Variants in ADGRF3 observed in about 807,000 individuals in gnomAD.
The protein encoded by ADGRF3 is G protein-coupled receptor 113.
In ADGRF3, 85 loss-of-function variants were observed where a neutral mutation model predicts 93.2. The ratio of observed to expected loss-of-function variants is 0.91; its 90% CI spans 0.77 to 1.09. The LOEUF is 1.09. Among genes scored for constraint, ADGRF3 ranks in the 50% least tolerant of loss-of-function variants. The probability of loss-of-function intolerance (pLI) is 0.00; values close to 1 mark genes in which losing one functional copy is unlikely to be tolerated. For missense variants in ADGRF3, 1,125 were observed against 1,246.2 expected, an observed-to-expected ratio of 0.90 and a Z score of 1.46; for synonymous variants, 534 against 532.5, an observed-to-expected ratio of 1.00 and a Z score of -0.04.
In ADGRF3 at chr2:26,315,562, C is replaced by A; in HGVS notation, c.678G>T (p.Gln226His). 1.9e-6 allele frequency: 3 copies of A among 1,551,534 alleles called. No individual in the cohort carries two copies. Among genetic ancestry groups the A allele is most frequent in the Non-Finnish European group, 2.6e-6 (3 of 1,146,988 alleles). Residue 226 changes from glutamine to histidine, a missense_variant, in exon 5 of 14, where the codon CAG (glutamine) becomes CAT (histidine). Gln to His is a conservative substitution (Grantham distance 24). Coordinates refer to ENST00000651242, the MANE Select transcript of ADGRF3 (RefSeq NM_001321971.2). ...TQVSVTSSHG[Q>H]AALSVSNMSH... Reference sequence around the variant, plus strand: ...ACATGTTGGAGACGCTGAGGGCAGCCTGGCCGTGGCTGGAAGTCACAGACA... The same window carrying A: ...ACATGTTGGAGACGCTGAGGGCAGCATGGCCGTGGCTGGAAGTCACAGACA...
intron 1 of ADGRF3, chr2:26,319,210 C>T: frequency 5.5e-6 from 4 of 723,864 alleles, no homozygotes; most frequent in Non-Finnish European, 8.7e-6. Flanking sequence ...AATGGGAATC[C>T]AGGTCACTGT....
At chr2:26,321,860 G>C (rs980384500) in intron 1 of ADGRF3, among the ~76,000 whole-genome samples, 2 of 151,526 alleles carry the variant, frequency 1.3e-5, no homozygotes, top group Non-Finnish European at 2.9e-5. Context: ...TGTAATCCCA[G>C]CTCCTCAAAA....
intron 1 of ADGRF3, among the ~76,000 whole-genome samples, chr2:26,344,886 T>G (rs1676614118): frequency 6.6e-6 from 1 of 152,172 alleles, no homozygotes; most frequent in Non-Finnish European, 1.5e-5. Flanking sequence ...TCTATTACTT[T>G]CTAAGAATCA....
chr2:26,312,065 T>A lies in ADGRF3; in HGVS notation c.1459A>T (p.Ile487Phe), dbSNP rs2147867869. The change falls in exon 10 of 14, where the codon ATT becomes TTT. Residue 487 changes from isoleucine (I) to phenylalanine (F), a missense_variant. By Grantham distance (21) the Ile-to-Phe change is conservative. Coordinates refer to ENST00000651242, the MANE Select transcript of ADGRF3 (RefSeq NM_001321971.2). ...LDRRALKNLL[I>F]ATDKVLDMDT... ...ATATCTAGGACCTTGTCTGTGGCAA[T>A]CAGGAGATTCTGCAGCACCCAAAAG... is the stretch of plus-strand genomic sequence containing the variant. The A allele has an allele frequency of 4.4e-6, 7 of 1,606,074 alleles. No homozygotes were observed. The highest frequency in any genetic ancestry group is 1.3e-5 in the African/African-American group (1 of 74,798).
rs780891382 is a variant in ADGRF3 at position 26,310,680 on chromosome 2, C to A, written c.2832+12G>T. ...AAAAAGCAAAAAACACAGCCACCCC[C>A]CTATCACCTACCTGGAGGGTGTTGA... On this transcript the variant is annotated intron_variant, in intron 10 of 13. Coordinates refer to ENST00000651242, the MANE Select transcript of ADGRF3 (RefSeq NM_001321971.2). 1.2e-6 allele frequency: 2 copies of A among 1,604,574 alleles called. No individual in the cohort carries two copies. Among genetic ancestry groups the A allele is most frequent in the South Asian group, 1.1e-5 (1 of 89,172 alleles).
At chr2:26,315,378 G>A in intron 5 of ADGRF3, 144 bp downstream of exon 5, 1 of 924,766 alleles carries the variant, frequency 1.1e-6, no homozygotes, top group South Asian at 1.8e-5. Context: ...GATGAAAAGG[G>A]TGAGAAAGAG....
chr2:26,332,780 ATTT>A (rs149262380), intron 1 of ADGRF3, among the ~76,000 whole-genome samples: 1 of 151,058 alleles, frequency 6.6e-6, no homozygotes, highest in Non-Finnish European at 1.5e-5. Context: ...CTTTATGTTA[ATTT>A]TTTTTTCTAT....
At chr2:26,342,704 T>C (rs535682403) in intron 1 of ADGRF3, among the ~76,000 whole-genome samples, 2 of 152,266 alleles carry the variant, frequency 1.3e-5, no homozygotes, top group African/African-American at 4.8e-5. Context: ...AAAGCAATAA[T>C]AAACTACACT....
Position 26,308,232 on chromosome 2 carries a change from AT to A in ADGRF3, c.*853del, listed in dbSNP as rs1187252074. 2 of 152,174 alleles carry A rather than the reference AT, an allele frequency of 1.3e-5. No individual in the cohort carries two copies. The highest frequency in any genetic ancestry group is 6.5e-5 in the Admixed American group (1 of 15,274). 9.4% of individuals were successfully genotyped at this position (152,174 alleles called of 1,614,324 possible). On this transcript the variant is annotated 3_prime_UTR_variant, in exon 14 of 14. Coordinates refer to ENST00000651242, the MANE Select transcript of ADGRF3 (RefSeq NM_001321971.2). ...ATGCCCCCGTCCCATTTTATAAAAA[AT>A]ATCCATGAATTGCATAATTAACAAA...
intron 10 of ADGRF3, 139 bp from the exon 11 acceptor site, chr2:26,310,376 A>T: frequency 1.1e-6 from 1 of 935,918 alleles, no homozygotes; most frequent in East Asian, 2.6e-5. Flanking sequence ...GGTGCATAGG[A>T]TCCATTTCAG....
intron 1 of ADGRF3, among the ~76,000 whole-genome samples, chr2:26,331,410 C>G (rs896342964): frequency 6.6e-6 from 1 of 152,030 alleles, no homozygotes; most frequent in Non-Finnish European, 1.5e-5. Context: ...ATTAGCTGGG[C>G]GGGGTGGCAC....
chr2:26,330,722 AG>A (rs1414964269), intron 1 of ADGRF3, among the ~76,000 whole-genome samples: 1 of 152,064 alleles, frequency 6.6e-6, no homozygotes, highest in African/African-American at 2.4e-5. Flanking sequence ...AGCCAGACCT[AG>A]GGGGTTTCTT....
chr2:26,345,536 C>T (rs1189852536), intron 1 of ADGRF3, among the ~76,000 whole-genome samples: 1 of 152,198 alleles, frequency 6.6e-6, no homozygotes, highest in Non-Finnish European at 1.5e-5. Context: ...AGTCCCTCTG[C>T]TGACCGCACA....
At chr2:26,328,778 C>T (rs906055629) in intron 1 of ADGRF3, among the ~76,000 whole-genome samples, 2 of 152,166 alleles carry the variant, frequency 1.3e-5, no homozygotes, top group African/African-American at 4.8e-5. Flanking sequence ...ATCCACAGAT[C>T]CCAGTGGCTC....
chr2:26,309,508 A>G lies in ADGRF3; in HGVS notation c.2993+18T>C. 1 of 1,609,716 alleles carries G rather than the reference A, an allele frequency of 6.2e-7. No homozygotes were observed. Among genetic ancestry groups the G allele is most frequent in the Middle Eastern group, 1.7e-4 (1 of 5,862 alleles). The stretch of plus-strand genomic sequence containing the variant: ...ATCCACCCTGCTTACGCTGCCCCTG[A>G]GAAAGCCTAGTTCTCACCTGGCAGT... On this transcript the variant is annotated intron_variant, in intron 13 of 13. Coordinates refer to ENST00000651242, the MANE Select transcript of ADGRF3 (RefSeq NM_001321971.2).
At chr2:26,334,428 C>T (rs141575514) in intron 1 of ADGRF3, among the ~76,000 whole-genome samples, 2,686 of 152,050 alleles carry the variant, frequency 0.018, 272 homozygotes, top group Admixed American at 0.16. Context: ...CCTCTTAATG[C>T]CTTCATTCTT....
chr2:26,324,152 G>C (rs930722213), intron 1 of ADGRF3, among the ~76,000 whole-genome samples: 2 of 152,190 alleles, frequency 1.3e-5, no homozygotes, highest in Non-Finnish European at 2.9e-5. Context: ...ATGGGAGGCT[G>C]AGGTGGGACG....
In ADGRF3 at chr2:26,309,510, A is replaced by G. The variant is rs369069486; in HGVS notation, c.2993+16T>C. On this transcript the variant is annotated intron_variant, in intron 13 of 13. Coordinates refer to ENST00000651242, the MANE Select transcript of ADGRF3 (RefSeq NM_001321971.2). ...CCACCCTGCTTACGCTGCCCCTGAG[A>G]AAGCCTAGTTCTCACCTGGCAGTGT... 97 of 1,610,072 alleles carry G rather than the reference A, an allele frequency of 6.0e-5. No individual in the cohort carries two copies. The Middle Eastern group carries it at 1.7e-3, about 28-fold the overall frequency.
chr2:26,312,135 G>A lies in ADGRF3; in HGVS notation c.1450-61C>T, dbSNP rs974979629. ...TGGCGCCCACAGGACTGAGCCGGGG[G>A]CAATGAGAACAACAGACCCCACACC... On this transcript the variant is annotated intron_variant, in intron 9 of 13. Coordinates refer to ENST00000651242, the MANE Select transcript of ADGRF3 (RefSeq NM_001321971.2). 2.7e-5 allele frequency: 41 copies of A among 1,494,628 alleles called. No homozygotes were observed. In the African/African-American group the frequency reaches 5.2e-4, roughly 19 times the overall value. 92.6% of individuals were successfully genotyped at this position (1,494,628 alleles called of 1,614,324 possible). A position where few individuals can be genotyped will look rare whatever the true frequency, so the allele number is the denominator to read the frequency against.
Sources: allele counts gnomAD v4.1 joint callset (sites outside exome capture counted in the v4.1 genomes callset), GRCh38; gene constraint gnomAD v4.1.1; transcripts MANE v1.5; gene names NCBI Gene and HGNC (gene_info 2026-07-23, HGNC 2026-07-21).